TUSC3: variants seen among roughly 807,000 people sequenced by gnomAD.
TUSC3 encodes tumor suppressor candidate 3.
TUSC3 carries 45 observed loss-of-function variants against 44.8 expected under a neutral mutation model. That is an observed-to-expected ratio of 1.00 (90% confidence interval 0.79 to 1.29). TUSC3 has a LOEUF of 1.29. TUSC3 is among the 50% of genes most tolerant of loss of function. The pLI, the probability that TUSC3 is intolerant of heterozygous loss-of-function variation, is 0.00. For synonymous variants in TUSC3, 212 were observed against 152.9 expected, an observed-to-expected ratio of 1.39 and a Z score of -2.85; for missense variants, 519 against 437.9, an observed-to-expected ratio of 1.19 and a Z score of -1.65.
At chr8:15,510,379 C>T (rs997669632) in intron 2 of TUSC3, among the ~76,000 whole-genome samples, 2 of 151,932 alleles carry the variant, frequency 1.3e-5, no homozygotes, top group African/African-American at 4.8e-5. Context: ...AGAGAGGGTA[C>T]AATTACCAAT....
chr8:15,498,392 A>G (rs976962357), intron 2 of TUSC3, among the ~76,000 whole-genome samples: 1 of 152,140 alleles, frequency 6.6e-6, no homozygotes, highest in Non-Finnish European at 1.5e-5. Context: ...GGAGATGTGA[A>G]TAGAAGAATA....
chr8:15,776,029 G>A, the TUSC3 span, among the ~76,000 whole-genome samples: 1 of 151,922 alleles, frequency 6.6e-6, no homozygotes. Flanking sequence ...CTGTAGAAAA[G>A]ATGTGTTCAT....
At chr8:15,842,217 C>T in the TUSC3 span, among the ~76,000 whole-genome samples, 121,231 of 152,064 alleles carry the variant, frequency 0.8, 48,668 homozygotes, top group African/African-American at 0.84. Flanking sequence ...CCTAAGAGAA[C>T]GAGTATGAAT....
intron 1 of TUSC3, among the ~76,000 whole-genome samples, chr8:15,591,102 T>C (rs1475821140): frequency 6.6e-6 from 1 of 152,212 alleles, no homozygotes; most frequent in Non-Finnish European, 1.5e-5. Flanking sequence ...GGTAGTTGTT[T>C]TTATTTTTGG....
At chr8:15,584,277 G>T (rs114697070) in intron 1 of TUSC3, among the ~76,000 whole-genome samples, 1 of 152,146 alleles carries the variant, frequency 6.6e-6, no homozygotes, top group East Asian at 1.9e-4. Flanking sequence ...TAAAGGCAGG[G>T]TGATCCAGAA....
intron 1 of TUSC3, among the ~76,000 whole-genome samples, chr8:15,589,225 G>A (rs888037551): frequency 6.6e-6 from 1 of 151,994 alleles, no homozygotes; most frequent in African/African-American, 2.4e-5. Flanking sequence ...CAAGTTTTTT[G>A]TAGGCAGCAT....
chr8:15,830,406 TTA>T, the TUSC3 span, among the ~76,000 whole-genome samples: 5 of 152,286 alleles, frequency 3.3e-5, no homozygotes, highest in East Asian at 9.7e-4. Context: ...CTGGGAATTT[TTA>T]TAGTTTCAGA....
chr8:15,681,863 T>A (rs555498749), intron 6 of TUSC3, among the ~76,000 whole-genome samples: 20 of 152,302 alleles, frequency 1.3e-4, no homozygotes, highest in Non-Finnish European at 2.6e-4. Flanking sequence ...GTATGTTGTA[T>A]CTTTGCTGTC....
At chr8:15,820,742 T>G in the TUSC3 span, among the ~76,000 whole-genome samples, 1 of 152,210 alleles carries the variant, frequency 6.6e-6, no homozygotes, top group Non-Finnish European at 1.5e-5. Context: ...GTGAGATTAG[T>G]GTTATTTCTT....
chr8:15,798,323 T>A, the TUSC3 span, among the ~76,000 whole-genome samples: 48 of 152,326 alleles, frequency 3.2e-4, no homozygotes, highest in African/African-American at 1.1e-3. Context: ...CGGGTCTGCA[T>A]AGGCTAGTTC....
At chr8:15,474,651 G>C (rs914252235) in intron 1 of TUSC3, among the ~76,000 whole-genome samples, 1 of 151,910 alleles carries the variant, frequency 6.6e-6, no homozygotes, top group African/African-American at 2.4e-5. Context: ...TACAGTTGGG[G>C]GATTTGGATC....
At chr8:15,836,573 C>T in the TUSC3 span, among the ~76,000 whole-genome samples, 5 of 151,988 alleles carry the variant, frequency 3.3e-5, no homozygotes, top group South Asian at 2.1e-4. Context: ...AGTCTAAATA[C>T]GTTCTTTAAA....
At chr8:15,824,645 T>G in the TUSC3 span, among the ~76,000 whole-genome samples, 2 of 152,058 alleles carry the variant, frequency 1.3e-5, no homozygotes, top group African/African-American at 2.4e-5. Context: ...CATTAGGAGA[T>G]ATACCTAATG....
chr8:15,739,867 A>T (rs542254970), intron 7 of TUSC3, among the ~76,000 whole-genome samples: 32 of 152,014 alleles, frequency 2.1e-4, no homozygotes, highest in Non-Finnish European at 4.0e-4. Flanking sequence ...TTCACTCTTT[A>T]GTTTTGTGAC....
At chr8:15,494,342 G>C (rs1800850772) in intron 2 of TUSC3, among the ~76,000 whole-genome samples, 1 of 134,198 alleles carries the variant, frequency 7.5e-6, no homozygotes, top group South Asian at 2.4e-4. Flanking sequence ...TTTTGAGACA[G>C]AGTCTCGCTC....
At chr8:15,469,120 T>C (rs1052011204) in intron 1 of TUSC3, among the ~76,000 whole-genome samples, 3 of 152,148 alleles carry the variant, frequency 2.0e-5, no homozygotes, top group South Asian at 2.1e-4. Flanking sequence ...ATGAAGCAAT[T>C]TGAACCACCA....
the TUSC3 span, among the ~76,000 whole-genome samples, chr8:15,792,643 C>G: frequency 1.1e-4 from 16 of 151,862 alleles, no homozygotes; most frequent in East Asian, 2.7e-3. Context: ...TGAGACAGAG[C>G]CCTGCTCTGT....
chr8:15,477,905 C>A lies in TUSC3; in HGVS notation n.92-5481C>A, dbSNP rs528443971. On this transcript the variant is annotated intron_variant and non_coding_transcript_variant, in intron 1 of 5. Coordinates refer to the TUSC3 transcript ENST00000503191. ...TTTCCAACTAGGCTCCATAACACTA[C>A]ACAAACCAGTAAAAGATCTATAGAA... 2.0e-5 allele frequency among the ~76,000 whole-genome samples: 3 copies of A among 152,178 alleles called. No homozygotes were observed. In the East Asian group the frequency reaches 5.8e-4, roughly 29 times the overall value.
chr8:15,704,249 T>G (rs564505854), intron 6 of TUSC3, among the ~76,000 whole-genome samples: 1 of 121,242 alleles, frequency 8.2e-6, no homozygotes, highest in East Asian at 2.6e-4. Flanking sequence ...GGAAACATTC[T>G]TAATGGTTTT....
Sources: allele counts gnomAD v4.1 joint callset (sites outside exome capture counted in the v4.1 genomes callset), GRCh38; gene constraint gnomAD v4.1.1; transcripts MANE v1.5; gene names NCBI Gene and HGNC (gene_info 2026-07-23, HGNC 2026-07-21).